The following KCNAB2 variants were observed in gnomAD, a reference collection of about 807,000 sequenced individuals.
KCNAB2 encodes potassium voltage-gated channel subfamily A regulatory beta subunit 2.
A neutral mutation model predicts 63.6 loss-of-function variants in KCNAB2; 29 were observed. The ratio of observed to expected loss-of-function variants is 0.46; its 90% CI spans 0.34 to 0.62. The LOEUF (loss-of-function observed/expected upper bound fraction) is 0.62, where lower values mean the gene tolerates loss of function less well. Ranked by LOEUF, KCNAB2 falls within the 20% of genes least tolerant of loss-of-function variation. The probability of loss-of-function intolerance (pLI) is 0.01; values close to 1 mark genes in which losing one functional copy is unlikely to be tolerated. For missense variants in KCNAB2, 359 were observed against 563.9 expected, an observed-to-expected ratio of 0.64 and a Z score of 3.68; for synonymous variants, 222 against 224.2, an observed-to-expected ratio of 0.99 and a Z score of 0.09.
In KCNAB2 at chr1:6,005,449, G is replaced by A. The variant is rs866093664; in HGVS notation, c.-53+12661G>A. 2.5e-4 allele frequency among the ~76,000 whole-genome samples: 37 copies of A among 146,778 alleles called. 1 individual carries two copies. The highest frequency in any genetic ancestry group is 9.3e-4 in the African/African-American group (35 of 37,522). On this transcript the variant is annotated intron_variant, in intron 1 of 16. Coordinates refer to the KCNAB2 transcript ENST00000341524. ...GTGGGTTGTGTGAGCTGAGCTGAGG[G>A]GTGAGGGTGGAGGCGGGGACGTGGC...
At chr1:6,067,617 T>A (rs1662865167) in intron 2 of KCNAB2, among the ~76,000 whole-genome samples, 1 of 152,200 alleles carries the variant, frequency 6.6e-6, no homozygotes, top group South Asian at 2.1e-4. Context: ...GGGTGAGACA[T>A]GCTTTAATGA....
At chr1:6,066,669 A>G (rs1662782840) in intron 2 of KCNAB2, among the ~76,000 whole-genome samples, 1 of 152,208 alleles carries the variant, frequency 6.6e-6, no homozygotes, top group Admixed American at 6.5e-5. Flanking sequence ...AGGCTCCACA[A>G]GATGCCCTGG....
intron 1 of KCNAB2, among the ~76,000 whole-genome samples, chr1:6,039,369 G>C (rs1368262872): frequency 6.6e-6 from 1 of 152,236 alleles, no homozygotes; most frequent in East Asian, 1.9e-4. Context: ...GCCAGGTGGA[G>C]GAAGGCGTGC....
chr1:6,067,430 G>A (rs1401160678), intron 2 of KCNAB2, among the ~76,000 whole-genome samples: 1 of 152,218 alleles, frequency 6.6e-6, no homozygotes, highest in Admixed American at 6.5e-5. Flanking sequence ...AAAGCATTGT[G>A]AGTCCATCCT....
intron 11 of KCNAB2, 123 bp downstream of exon 11, chr1:6,094,608 CTA>C: frequency 2.7e-6 from 2 of 741,622 alleles, no homozygotes; most frequent in Non-Finnish European, 4.5e-6. Context: ...TGCCTGGGTG[CTA>C]AGGGAGGGAC....
intron 10 of KCNAB2, 63 bp downstream of exon 10, chr1:6,091,370 AT>A: frequency 8.5e-7 from 1 of 1,171,244 alleles, no homozygotes; most frequent in Non-Finnish European, 1.2e-6. Flanking sequence ...ATGAGACAGT[AT>A]TTTTATTTAC....
rs1409625774 is a variant in KCNAB2, at chr1:6,003,545, C to T, written c.-53+10757C>T. Among the ~76,000 whole-genome samples, 1 of 152,178 alleles carries T rather than the reference C, an allele frequency of 6.6e-6. No homozygotes were observed. Among genetic ancestry groups the T allele is most frequent in the Admixed American group, 6.5e-5 (1 of 15,278 alleles). On this transcript the variant is annotated intron_variant, in intron 1 of 16. Transcript: ENST00000341524. The surrounding 1 kb of genome is among the most constrained non-coding windows in gnomAD (Gnocchi z 4.1). ...TCTATAGTTCACTTAAACATTATTTCCTGGGAGATCCGGCAGCTCTTCACT... is the reference window on the plus strand; with the variant it reads ...TCTATAGTTCACTTAAACATTATTTTCTGGGAGATCCGGCAGCTCTTCACT...
chr1:6,061,929 T>C (rs1450848385), intron 2 of KCNAB2, among the ~76,000 whole-genome samples: 1 of 152,032 alleles, frequency 6.6e-6, no homozygotes, highest in Admixed American at 6.6e-5. Context: ...AAATACCAAA[T>C]TCACCCACTA....
intron 1 of KCNAB2, among the ~76,000 whole-genome samples, chr1:6,010,588 G>A (rs1172533763): frequency 6.6e-6 from 1 of 152,220 alleles, no homozygotes; most frequent in Non-Finnish European, 1.5e-5. Flanking sequence ...GAGTGCCCCT[G>A]GCCCCTCCCT....
chr1:6,012,809 G>T (rs1658266999), intron 1 of KCNAB2, among the ~76,000 whole-genome samples: 1 of 151,982 alleles, frequency 6.6e-6, no homozygotes, highest in Admixed American at 6.6e-5. Context: ...GGTAGAGGTG[G>T]AGGTGACAGC....
intron 1 of KCNAB2, among the ~76,000 whole-genome samples, chr1:6,017,406 C>CTGTGTGTGTG (rs56202547): frequency 7.6e-4 from 112 of 147,300 alleles, no homozygotes; most frequent in African/African-American, 2.4e-3. Flanking sequence ...CCATACCTGG[C>CTGTGTGTGTG]TGTGTGTGTG....
At chr1:6,052,889 C>T (rs191472543) in intron 2 of KCNAB2, among the ~76,000 whole-genome samples, 1 of 152,214 alleles carries the variant, frequency 6.6e-6, no homozygotes, top group East Asian at 1.9e-4. Context: ...TCAAATTTAA[C>T]TGGGCGTCCT....
chr1:6,074,008 G>A lies in KCNAB2; in HGVS notation c.300+238G>A, dbSNP rs1663453336. Among the ~76,000 whole-genome samples the A allele has an allele frequency of 6.6e-6, 1 of 152,208 alleles. No homozygotes were observed. Among genetic ancestry groups the A allele is most frequent in the East Asian group, 1.9e-4 (1 of 5,190 alleles). ...CATCACCCAGCAGTGGATGCCTCGG[G>A]CCTCAGCATGTCCCTTAAGCTCCCC... On this transcript the variant is annotated intron_variant, in intron 4 of 15. Transcript: ENST00000378083. This position sits in a 1 kb window ranked among gnomAD's most constrained non-coding sequence, Gnocchi z 4.9.
rs970251627 is a variant in KCNAB2 at position 5,994,485 on chromosome 1, C to T, written c.-53+1697C>T. 6.6e-6 allele frequency among the ~76,000 whole-genome samples: 1 copy of T among 152,200 alleles called. No individual in the cohort carries two copies. Among genetic ancestry groups the T allele is most frequent in the Non-Finnish European group, 1.5e-5 (1 of 68,034 alleles). Reference sequence around the variant, plus strand: ...AGTGTTCGGGCCGCAGCACATCCCTCGAGAGCAGCATGGTAGGGGCTTCCC... The same window carrying T: ...AGTGTTCGGGCCGCAGCACATCCCTTGAGAGCAGCATGGTAGGGGCTTCCC... On this transcript the variant is annotated intron_variant, in intron 1 of 16. Coordinates refer to the KCNAB2 transcript ENST00000341524. The surrounding 1 kb of genome is among the most constrained non-coding windows in gnomAD (Gnocchi z 5.4).
chr1:6,014,118 G>A (rs1301523280), intron 1 of KCNAB2, among the ~76,000 whole-genome samples: 1 of 152,224 alleles, frequency 6.6e-6, no homozygotes, highest in African/African-American at 2.4e-5. Flanking sequence ...TTATCCCGAG[G>A]CCTCATTCAG....
chr1:6,036,341 A>G (rs1660035779), intron 1 of KCNAB2, among the ~76,000 whole-genome samples: 1 of 152,042 alleles, frequency 6.6e-6, no homozygotes, highest in African/African-American at 2.4e-5. Flanking sequence ...CGTCTCTACT[A>G]AAAATACAAA....
upstream of KCNAB2, chr1:6,041,757 G>A (rs1660518667): frequency 1.5e-6 from 2 of 1,345,806 alleles, no homozygotes; most frequent in Admixed American, 1.7e-5. Context: ...CACCTGCTGG[G>A]GTTGATGCCA....
At chr1:6,050,307 A>T (rs1212388131) in intron 1 of KCNAB2, among the ~76,000 whole-genome samples, 1 of 152,194 alleles carries the variant, frequency 6.6e-6, no homozygotes, top group East Asian at 1.9e-4. Flanking sequence ...CTCTCTGGTG[A>T]TGATGCAGAG....
upstream of KCNAB2, among the ~76,000 whole-genome samples, chr1:6,030,704 ATG>A (rs1184698484): frequency 6.8e-6 from 1 of 146,228 alleles, no homozygotes; most frequent in East Asian, 2.0e-4. Context: ...GTGTGTGTGT[ATG>A]TGTGTAGGTA....
Sources: allele counts gnomAD v4.1 joint callset (sites outside exome capture counted in the v4.1 genomes callset), GRCh38; gene constraint gnomAD v4.1.1; non-coding constraint Gnocchi (gnomAD v3.1); transcripts MANE v1.5; gene names NCBI Gene and HGNC (gene_info 2026-07-23, HGNC 2026-07-21).